The following TBC1D22A variants were observed in gnomAD, a reference collection of about 807,000 sequenced individuals.
TBC1D22A encodes putative GTPase activator.
A neutral mutation model predicts 60.2 loss-of-function variants in TBC1D22A; 38 were observed. That is an observed-to-expected ratio of 0.63 (90% CI 0.49 to 0.83). The LOEUF is 0.83. Ranked by LOEUF, TBC1D22A falls within the 40% of genes least tolerant of loss-of-function variation. The pLI is 0.00. For missense variants in TBC1D22A, 628 were observed against 701.0 expected, an observed-to-expected ratio of 0.90 and a Z score of 1.18; for synonymous variants, 302 against 281.7, an observed-to-expected ratio of 1.07 and a Z score of -0.72.
At chr22:46,778,348 C>T (rs1324751353) in intron 1 of TBC1D22A, among the ~76,000 whole-genome samples, 2 of 152,084 alleles carry the variant, frequency 1.3e-5, no homozygotes, top group Non-Finnish European at 2.9e-5. Flanking sequence ...TTTTTGACTC[C>T]TTTCTATTGA....
intron 4 of TBC1D22A, among the ~76,000 whole-genome samples, chr22:46,872,975 C>T (rs1033226755): frequency 6.6e-6 from 1 of 152,152 alleles, no homozygotes; most frequent in Non-Finnish European, 1.5e-5. Context: ...AGAAACCATT[C>T]GTGTCCCTCC....
At chr22:46,939,438 T>C (rs575512156) in intron 8 of TBC1D22A, among the ~76,000 whole-genome samples, 1 of 152,370 alleles carries the variant, frequency 6.6e-6, no homozygotes, top group Admixed American at 6.5e-5. Flanking sequence ...ATGACAAGAA[T>C]GTGGACCATC....
At chr22:47,107,647 T>TC (rs1301806174) in intron 11 of TBC1D22A, among the ~76,000 whole-genome samples, 8 of 152,224 alleles carry the variant, frequency 5.3e-5, no homozygotes, top group Admixed American at 6.5e-5. Flanking sequence ...TATGCTATGG[T>TC]CATGAGTCAG....
chr22:46,941,607 C>CA (rs1491548993), intron 8 of TBC1D22A, among the ~76,000 whole-genome samples: 11 of 140,736 alleles, frequency 7.8e-5, no homozygotes, highest in African/African-American at 2.6e-4. Context: ...AATATATATA[C>CA]GCGGAATATA....
At chr22:46,816,287 C>A (rs1224040878) in intron 4 of TBC1D22A, among the ~76,000 whole-genome samples, 1 of 152,048 alleles carries the variant, frequency 6.6e-6, no homozygotes, top group Non-Finnish European at 1.5e-5. Context: ...ATCACAGGGG[C>A]GGGATTGGGC....
At chr22:46,774,751 C>G (rs2083629705) in intron 1 of TBC1D22A, among the ~76,000 whole-genome samples, 1 of 152,200 alleles carries the variant, frequency 6.6e-6, no homozygotes, top group South Asian at 2.1e-4. Flanking sequence ...CCTGATATTT[C>G]TGGGCCCCCG....
chr22:46,849,194 GGTT>G (rs1268870248), intron 4 of TBC1D22A, among the ~76,000 whole-genome samples: 7 of 152,214 alleles, frequency 4.6e-5, no homozygotes, highest in Non-Finnish European at 4.4e-5. Flanking sequence ...TCTGCCTGCA[GGTT>G]GTCCCCGTTG....
chr22:46,910,270 G>A (rs192633850), intron 7 of TBC1D22A, among the ~76,000 whole-genome samples: 1 of 152,252 alleles, frequency 6.6e-6, no homozygotes, highest in East Asian at 1.9e-4. Context: ...GGACTTTAGG[G>A]CTGGTCATGC....
chr22:47,106,251 G>A (rs1487253080), intron 11 of TBC1D22A, among the ~76,000 whole-genome samples: 1 of 152,184 alleles, frequency 6.6e-6, no homozygotes, highest in African/African-American at 2.4e-5. Context: ...GGGTGCAAAT[G>A]GATGTTTGAT....
chr22:46,984,451 T>A (rs188232322), intron 9 of TBC1D22A, among the ~76,000 whole-genome samples: 11 of 145,816 alleles, frequency 7.5e-5, no homozygotes, highest in African/African-American at 2.8e-4. Flanking sequence ...TTTTAGGGGA[T>A]TATTCTTGCA....
At chr22:46,956,238 A>C (rs568524039) in intron 8 of TBC1D22A, among the ~76,000 whole-genome samples, 1 of 152,282 alleles carries the variant, frequency 6.6e-6, no homozygotes, top group East Asian at 1.9e-4. Flanking sequence ...ATAAAGATAA[A>C]GTGAGGCCAT....
chr22:47,120,149 A>G (rs1018363728), intron 12 of TBC1D22A, among the ~76,000 whole-genome samples: 41 of 152,356 alleles, frequency 2.7e-4, no homozygotes, highest in African/African-American at 8.7e-4. Flanking sequence ...TATCCTATCA[A>G]TAAACCAGAG....
chr22:46,893,680 C>G (rs906604394), intron 6 of TBC1D22A, among the ~76,000 whole-genome samples: 1 of 152,230 alleles, frequency 6.6e-6, no homozygotes, highest in African/African-American at 2.4e-5. Context: ...GGGCCCTTGT[C>G]CCTGCTGGCA....
intron 11 of TBC1D22A, among the ~76,000 whole-genome samples, chr22:47,101,316 C>T (rs1184285681): frequency 6.6e-6 from 1 of 152,214 alleles, no homozygotes; most frequent in Non-Finnish European, 1.5e-5. Context: ...CCCCCTGCCC[C>T]CCAAACCAGA....
At chr22:47,041,252 T>C (rs2062834159) in intron 11 of TBC1D22A, among the ~76,000 whole-genome samples, 1 of 152,242 alleles carries the variant, frequency 6.6e-6, no homozygotes, top group Non-Finnish European at 1.5e-5. Context: ...AGTGTATCTT[T>C]AATCATCACT....
intron 4 of TBC1D22A, among the ~76,000 whole-genome samples, chr22:46,809,635 G>A (rs1039567666): frequency 1.3e-5 from 2 of 152,038 alleles, no homozygotes; most frequent in Non-Finnish European, 2.9e-5. Context: ...TTGGGGTGGC[G>A]CATGTCAGGT....
Position 47,061,426 on chromosome 22 carries a change from C to T in TBC1D22A, c.1329+24228C>T, listed in dbSNP as rs1016977308. ...TGGTTCCCTGGTTCTGGTAGTCCCT[C>T]GAGAGGGGATGTCCTTTCCTGCTCG... On this transcript the variant is annotated intron_variant, in intron 11 of 12. Coordinates refer to ENST00000337137, the MANE Select transcript of TBC1D22A (RefSeq NM_014346.5). Among the ~76,000 whole-genome samples the T allele has an allele frequency of 9.2e-5, 14 of 152,012 alleles. No homozygotes were observed. The East Asian group carries it at 2.0e-3, about 21-fold the overall frequency.
chr22:46,900,479 CT>C (rs2068929906), intron 7 of TBC1D22A, among the ~76,000 whole-genome samples: 1 of 152,152 alleles, frequency 6.6e-6, no homozygotes, highest in Non-Finnish European at 1.5e-5. Flanking sequence ...TGTGTACCAG[CT>C]CCCTAATATG....
chr22:46,965,735 G>T (rs993466763), intron 8 of TBC1D22A, among the ~76,000 whole-genome samples: 1 of 152,232 alleles, frequency 6.6e-6, no homozygotes, highest in Non-Finnish European at 1.5e-5. Context: ...GCCTCATCCC[G>T]TCCCTGTGGC....
Sources: allele counts gnomAD v4.1 joint callset (sites outside exome capture counted in the v4.1 genomes callset), GRCh38; gene constraint gnomAD v4.1.1; transcripts MANE v1.5; gene names NCBI Gene and HGNC (gene_info 2026-07-23, HGNC 2026-07-21).